STYXL2: variants seen among roughly 807,000 people sequenced by gnomAD.
STYXL2 encodes the protein serine/threonine/tyrosine interacting like 2, also known as serine/threonine/tyrosine-interacting-like protein 2.
Under a neutral mutation model 52.4 loss-of-function variants are expected in STYXL2, and 44 were observed. The observed-to-expected ratio is 0.84, with a 90% confidence interval of 0.66 to 1.08. The LOEUF (loss-of-function observed/expected upper bound fraction) is 1.08. STYXL2 is among the 50% of genes least tolerant of loss of function. STYXL2 has a pLI of 0.00. For missense variants in STYXL2, 1,604 were observed against 1,471.7 expected (o/e 1.09, Z -1.47); for synonymous variants, 604 against 586.9 (o/e 1.03, Z -0.42).
chr1:167,123,850 C>T (rs1003222151), intron 5 of STYXL2, among the ~76,000 whole-genome samples: 1 of 152,210 alleles, frequency 6.6e-6, no homozygotes, highest in African/African-American at 2.4e-5. Context: ...TCTTGAATTC[C>T]TGGCCTCAAG....
chr1:167,107,395 G>A (rs1204872393), intron 2 of STYXL2, among the ~76,000 whole-genome samples: 4 of 152,166 alleles, frequency 2.6e-5, no homozygotes, highest in Non-Finnish European at 5.9e-5. Context: ...GATCTGGGGT[G>A]ACCATTACTC....
intron 3 of STYXL2, 90 bp downstream of exon 3, chr1:167,113,894 C>T: frequency 1.0e-6 from 1 of 989,990 alleles, no homozygotes; most frequent in Non-Finnish European, 1.6e-6. Flanking sequence ...CAATGTGCCT[C>T]TCAGGTGCTG....
intron 5 of STYXL2, among the ~76,000 whole-genome samples, chr1:167,121,017 CT>C (rs11404266): frequency 5.5e-4 from 77 of 141,000 alleles, no homozygotes; most frequent in Admixed American, 1.0e-3. Context: ...TTAAAAACTC[CT>C]TTTTTTTTTT....
At chr1:167,109,142 A>G (rs1667565629) in intron 2 of STYXL2, among the ~76,000 whole-genome samples, 1 of 152,178 alleles carries the variant, frequency 6.6e-6, no homozygotes, top group African/African-American at 2.4e-5. Context: ...AATAATTTCA[A>G]CCAAGTGTAA....
chr1:167,094,721 C>T (rs959654412), intron 1 of STYXL2, 113 bp from the exon 2 acceptor site: 21 of 712,184 alleles, frequency 2.9e-5, no homozygotes, highest in African/African-American at 7.1e-5. Flanking sequence ...TTTTGCCCAC[C>T]GGGACCTTCC....
chr1:167,119,559 G>A (rs1162146379), intron 5 of STYXL2, 93 bp downstream of exon 5: 3 of 1,076,088 alleles, frequency 2.8e-6, no homozygotes, highest in Non-Finnish European at 4.1e-6. Context: ...TGGCGTGTGT[G>A]AGGGGTATCT....
At chr1:167,122,885 T>C (rs553983615) in intron 5 of STYXL2, among the ~76,000 whole-genome samples, 1 of 152,272 alleles carries the variant, frequency 6.6e-6, no homozygotes, top group Admixed American at 6.5e-5. Flanking sequence ...CAGGCCAGTC[T>C]CAAACTCCTG....
Position 167,125,998 on chromosome 1 carries a change from G to C in STYXL2, c.867G>C (p.Glu289Asp), listed in dbSNP as rs1435481319. ...MEEREEDYGR[E>D]GGSAEAEEGE... ...AGAGAGAAGAGGACTATGGCCGGGAGGGGGGATCAGCTGAGGCTGAGGAGG... is the reference window on the plus strand; with the variant it reads ...AGAGAGAAGAGGACTATGGCCGGGACGGGGGATCAGCTGAGGCTGAGGAGG... Residue 289 changes from glutamate to aspartate, a missense_variant, in exon 6 of 6, where the codon GAG (glutamate) becomes GAC (aspartate). Transcript: ENST00000361200. 6.2e-7 allele frequency: 1 copy of C among 1,610,514 alleles called. No individual in the cohort carries two copies. The highest frequency in any genetic ancestry group is 1.7e-5 in the Admixed American group (1 of 59,772).
chr1:167,122,774 T>G (rs974335832), intron 5 of STYXL2, among the ~76,000 whole-genome samples: 3 of 152,146 alleles, frequency 2.0e-5, no homozygotes, highest in Non-Finnish European at 4.4e-5. Context: ...CAAGCGATTC[T>G]CAGGCCTCAG....
intron 5 of STYXL2, among the ~76,000 whole-genome samples, chr1:167,122,748 C>T (rs1162806924): frequency 6.6e-6 from 1 of 152,066 alleles, no homozygotes; most frequent in Non-Finnish European, 1.5e-5. Flanking sequence ...AGCTCACTAC[C>T]TCCGCCTCCC....
In STYXL2 at chr1:167,126,417, G is replaced by C; in HGVS notation, c.1286G>C (p.Arg429Thr). ...EESDAGSSVG[R>T]RRRTLSESSA... ...AGCGACGCTGGCTCCTCGGTGGGGA[G>C]GCGGCGGCGCACCCTGAGCGAGAGC... The change falls in exon 6 of 6, where the codon AGG becomes ACG. Residue 429 changes from arginine (R) to threonine (T), a missense_variant. Arg to Thr is a moderately conservative substitution (Grantham distance 71). Coordinates refer to ENST00000361200, the MANE Select transcript of STYXL2 (RefSeq NM_001080426.3). 6.4e-7 allele frequency: 1 copy of C among 1,560,580 alleles called. No individual in the cohort carries two copies.
intron 2 of STYXL2, among the ~76,000 whole-genome samples, chr1:167,113,392 A>G (rs1667656287): frequency 6.6e-6 from 1 of 152,196 alleles, no homozygotes; most frequent in Admixed American, 6.5e-5. Context: ...GAGCAGCGGG[A>G]CATCCAAGAA....
chr1:167,128,781 G>C lies in STYXL2; in HGVS notation c.*173G>C. 9.4e-7 allele frequency: 1 copy of C among 1,060,214 alleles called. No homozygotes were observed. The highest frequency in any genetic ancestry group is 1.3e-6 in the Non-Finnish European group (1 of 763,784). 65.7% of individuals were successfully genotyped at this position (1,060,214 alleles called of 1,614,324 possible). A position where few individuals can be genotyped will look rare whatever the true frequency, so the allele number is the denominator to read the frequency against. ...GCAGCAGAGGTGGAGTAGGGAGGAG[G>C]CAAGGAGGGGGAGAACCATCAATAC... On this transcript the variant is annotated 3_prime_UTR_variant, in exon 6 of 6. Transcript: ENST00000361200.
intron 2 of STYXL2, among the ~76,000 whole-genome samples, chr1:167,101,855 T>C (rs916809992): frequency 5.3e-5 from 8 of 151,038 alleles, no homozygotes; most frequent in South Asian, 4.2e-4. Context: ...TGAATGTTCA[T>C]AGCAGGTTTA....
rs1234638876 is a variant in STYXL2, at chr1:167,127,786, G to T, written c.2655G>T (p.Gly885=). 6.2e-7 allele frequency: 1 copy of T among 1,613,940 alleles called. No individual in the cohort carries two copies. The highest frequency in any genetic ancestry group is 2.2e-5 in the East Asian group (1 of 44,868). The change falls in exon 6 of 6, where the codon GGG becomes GGT. Residue 885 remains glycine (G), a synonymous_variant. Coordinates refer to ENST00000361200, the MANE Select transcript of STYXL2 (RefSeq NM_001080426.3). ...ATGAGGATGATGGTGTGGGTGATGG[G>T]GATGAGGACACTGACAGTGCCATAG... is the stretch of plus-strand genomic sequence containing the variant. ...KEDEDDGVGD[G]DEDTDSAIGS... is the part of the protein sequence containing the mutation.
intron 2 of STYXL2, among the ~76,000 whole-genome samples, chr1:167,095,504 C>T (rs186398816): frequency 9.1e-4 from 138 of 152,202 alleles, no homozygotes; most frequent in African/African-American, 3.0e-3. Flanking sequence ...GAGGCATCTT[C>T]CTGGAGAGTC....
chr1:167,119,537 A>G, intron 5 of STYXL2, 71 bp downstream of exon 5: 2 of 1,397,700 alleles, frequency 1.4e-6, no homozygotes, highest in Non-Finnish European at 2.0e-6. Flanking sequence ...ATGTTATGAA[A>G]ACCTGATTAG....
In STYXL2 at chr1:167,119,325, G is replaced by T. The variant is rs775199201; in HGVS notation, c.514G>T (p.Val172Phe). The T allele has an allele frequency of 1.5e-5, 24 of 1,613,996 alleles. 1 individual carries two copies. In the South Asian group the frequency reaches 2.6e-4, roughly 18 times the overall value. ...HILNAAHGTG[V>F]YTGPEFYTGL... ...TCTGAATGCTGCGCATGGCACCGGC[G>T]TTTACACTGGCCCCGAATTCTACAC... The change falls in exon 5 of 6, where the codon GTT (valine) becomes TTT (phenylalanine). Residue 172 changes from valine (V) to phenylalanine (F), a missense_variant. Transcript: ENST00000361200.
At chr1:167,115,958 A>G (rs1667713384) in intron 3 of STYXL2, among the ~76,000 whole-genome samples, 1 of 152,286 alleles carries the variant, frequency 6.6e-6, no homozygotes, top group South Asian at 2.1e-4. Context: ...CCCTGCTTAC[A>G]GACCCCTGGG....
Sources: allele counts gnomAD v4.1 joint callset (sites outside exome capture counted in the v4.1 genomes callset), GRCh38; gene constraint gnomAD v4.1.1; transcripts MANE v1.5; gene names NCBI Gene and HGNC (gene_info 2026-07-23, HGNC 2026-07-21).